PI4K2B: variants seen among roughly 807,000 people sequenced by gnomAD.
PI4K2B encodes phosphatidylinositol 4-kinase type 2-beta.
Under a neutral mutation model 56.6 loss-of-function variants are expected in PI4K2B, and 46 were observed. The ratio of observed to expected loss-of-function variants is 0.81; its 90% CI spans 0.64 to 1.04. The LOEUF (loss-of-function observed/expected upper bound fraction) is 1.04. Among genes scored for constraint, PI4K2B ranks in the 50% least tolerant of loss-of-function variants. The pLI is 0.00. For missense variants in PI4K2B, 556 were observed against 607.7 expected, an observed-to-expected ratio of 0.91 and a Z score of 0.89; for synonymous variants, 211 against 223.8, an observed-to-expected ratio of 0.94 and a Z score of 0.51.
intron 7 of PI4K2B, among the ~76,000 whole-genome samples, chr4:25,266,127 C>T (rs998492455): frequency 5.3e-5 from 8 of 151,766 alleles, no homozygotes; most frequent in East Asian, 1.9e-4. Context: ...GTTATACCTC[C>T]GTTCATTTTG....
At chr4:25,237,567 T>C (rs1715319440) in intron 1 of PI4K2B, among the ~76,000 whole-genome samples, 1 of 152,226 alleles carries the variant, frequency 6.6e-6, no homozygotes, top group African/African-American at 2.4e-5. Flanking sequence ...GGTTTCACCA[T>C]GTTGGTCAGG....
rs1283254425 is a variant in PI4K2B at position 25,256,618 on chromosome 4, T to G, written c.700T>G (p.Leu234Val). 1.2e-6 allele frequency: 2 copies of G among 1,613,820 alleles called. No homozygotes were observed. Among genetic ancestry groups the G allele is most frequent in the African/African-American group, 2.7e-5 (2 of 74,908 alleles). The change falls in exon 4 of 10, where the codon TTA (leucine) becomes GTA (valine). Residue 234 changes from leucine (L) to valine (V), a missense_variant. Transcript: ENST00000264864. ...RAKSRGKKYA[L>V]EKVPKVGRKF... The stretch of plus-strand genomic sequence containing the variant: ...AAAATCAAGAGGCAAAAAGTATGCT[T>G]TAGAAAAAGTGCCAAAAGTGGGTAG...
Position 25,260,641 on chromosome 4 carries a change from T to TATATAC in PI4K2B, c.978+51_978+52insTATACA, listed in dbSNP as rs1553890274. The TATATAC allele has an allele frequency of 1.5e-3, 105 of 69,416 alleles. 1 individual carries two copies. The East Asian group carries it at 0.022, about 14-fold the overall frequency. 4.3% of individuals were successfully genotyped at this position (69,416 alleles called of 1,614,324 possible). ...ATATATATATATATATATATATATA[T>TATATAC]ACACACACACACACACACACACATA... On this transcript the variant is annotated intron_variant, in intron 6 of 9. Transcript: ENST00000264864.
At chr4:25,240,419 A>G (rs986533592) in intron 1 of PI4K2B, among the ~76,000 whole-genome samples, 1 of 152,214 alleles carries the variant, frequency 6.6e-6, no homozygotes. Flanking sequence ...GTGTGGTAGT[A>G]GAATAATGAA....
chr4:25,270,636 G>T (rs1003026524), intron 9 of PI4K2B, among the ~76,000 whole-genome samples: 2 of 152,072 alleles, frequency 1.3e-5, no homozygotes, highest in African/African-American at 4.8e-5. Context: ...GTGTGCCACC[G>T]TGCCCAGCCC....
chr4:25,237,461 A>G (rs375779969), intron 1 of PI4K2B, among the ~76,000 whole-genome samples: 2 of 151,116 alleles, frequency 1.3e-5, no homozygotes, highest in African/African-American at 4.9e-5. Context: ...TGCAACCTCC[A>G]CTCCCCAGGT....
At chr4:25,273,332 G>A (rs1403136650) in intron 9 of PI4K2B, among the ~76,000 whole-genome samples, 2 of 152,060 alleles carry the variant, frequency 1.3e-5, no homozygotes, top group African/African-American at 4.8e-5. Flanking sequence ...CTGAAAAAAT[G>A]CAGAAATAAT....
chr4:25,256,270 T>C (rs1164431660), intron 3 of PI4K2B, among the ~76,000 whole-genome samples: 2 of 152,234 alleles, frequency 1.3e-5, no homozygotes, highest in African/African-American at 2.4e-5. Context: ...TTAAAATGTT[T>C]ATTCCTAAGT....
chr4:25,238,856 G>A (rs991018813), intron 1 of PI4K2B, among the ~76,000 whole-genome samples: 1 of 152,158 alleles, frequency 6.6e-6, no homozygotes, highest in East Asian at 1.9e-4. Context: ...GCCACTGCTG[G>A]TTCGGGCAGC....
Position 25,277,327 on chromosome 4 carries a change from C to A in PI4K2B, c.*140C>A. The A allele has an allele frequency of 1.0e-6, 1 of 963,542 alleles. No homozygotes were observed. Among genetic ancestry groups the A allele is most frequent in the Non-Finnish European group, 1.4e-6 (1 of 712,302 alleles). 59.7% of individuals were successfully genotyped at this position (963,542 alleles called of 1,614,324 possible). A position where few individuals can be genotyped will look rare whatever the true frequency, so the allele number is the denominator to read the frequency against. ...TAAAAGGTTGTATTTTGAATGTAAC[C>A]AAAAGTTTACAGTTTTTTGTCCAAA... is the stretch of plus-strand genomic sequence containing the variant. On this transcript the variant is annotated 3_prime_UTR_variant, in exon 10 of 10. Transcript: ENST00000264864.
At chr4:25,259,402 C>G (rs919470206) in intron 5 of PI4K2B, among the ~76,000 whole-genome samples, 11 of 152,026 alleles carry the variant, frequency 7.2e-5, no homozygotes, top group Non-Finnish European at 1.6e-4. Context: ...TAGATCAGTT[C>G]CTGTCCCCTA....
At chr4:25,274,905 TG>T (rs899001317) in intron 9 of PI4K2B, among the ~76,000 whole-genome samples, 27 of 152,242 alleles carry the variant, frequency 1.8e-4, no homozygotes, top group African/African-American at 6.3e-4. Flanking sequence ...AAGCGATCCT[TG>T]TGCCCCAGCC....
Position 25,260,608 on chromosome 4 carries a change from TTTTATA to T in PI4K2B, c.978+19_978+24del. 4.7e-6 allele frequency: 2 copies of T among 429,228 alleles called. No individual in the cohort carries two copies. Among genetic ancestry groups the T allele is most frequent in the South Asian group, 3.9e-5 (1 of 25,590 alleles). 26.6% of individuals were successfully genotyped at this position (429,228 alleles called of 1,614,324 possible). A position where few individuals can be genotyped will look rare whatever the true frequency, so the allele number is the denominator to read the frequency against. On this transcript the variant is annotated intron_variant, in intron 6 of 9. Transcript: ENST00000264864. ...GACCATAAGGTAAGGAAATTTACAA[TTTTATA>T]TATATATATATATATATATATATAT...
At chr4:25,267,449 G>A (rs1392241685) in intron 7 of PI4K2B, among the ~76,000 whole-genome samples, 2 of 152,392 alleles carry the variant, frequency 1.3e-5, no homozygotes, top group Non-Finnish European at 2.9e-5. Context: ...TAGCTACTTG[G>A]GAGGCTGAGG....
At chr4:25,262,886 A>G (rs922262624) in intron 6 of PI4K2B, among the ~76,000 whole-genome samples, 3 of 152,188 alleles carry the variant, frequency 2.0e-5, no homozygotes, top group Non-Finnish European at 2.9e-5. Context: ...GGAACGGCCT[A>G]CTGTATTAGT....
At chr4:25,256,881 G>A (rs1716281218) in intron 4 of PI4K2B, among the ~76,000 whole-genome samples, 1 of 151,506 alleles carries the variant, frequency 6.6e-6, no homozygotes, top group African/African-American at 2.4e-5. Context: ...ATAGATGGAT[G>A]CCTAACCCAG....
rs533544057 is a variant in PI4K2B, at chr4:25,260,610, TTA to T, written c.978+50_978+51del. The T allele has an allele frequency of 0.018, 5,521 of 305,644 alleles. 81 individuals are homozygous for T. The highest frequency in any genetic ancestry group is 0.036 in the African/African-American group (1,429 of 40,172). 18.9% of individuals were successfully genotyped at this position (305,644 alleles called of 1,614,324 possible). ...CCATAAGGTAAGGAAATTTACAATT[TTA>T]TATATATATATATATATATATATAT... On this transcript the variant is annotated intron_variant, in intron 6 of 9. Transcript: ENST00000264864.
intron 1 of PI4K2B, among the ~76,000 whole-genome samples, chr4:25,235,041 A>G (rs1212866577): frequency 6.6e-6 from 1 of 152,240 alleles, no homozygotes; most frequent in South Asian, 2.1e-4. Context: ...TCTTTTCGCT[A>G]TTAAGCGGAC....
At chr4:25,241,437 T>C (rs544586897) in intron 1 of PI4K2B, among the ~76,000 whole-genome samples, 1 of 152,346 alleles carries the variant, frequency 6.6e-6, no homozygotes, top group Admixed American at 6.5e-5. Context: ...AAATCTGGAC[T>C]ATAATTTGTT....
Sources: allele counts gnomAD v4.1 joint callset (sites outside exome capture counted in the v4.1 genomes callset), GRCh38; gene constraint gnomAD v4.1.1; transcripts MANE v1.5; gene names NCBI Gene and HGNC (gene_info 2026-07-23, HGNC 2026-07-21).